The following HMGCLL1 variants were observed in gnomAD, a reference collection of about 807,000 sequenced individuals.
HMGCLL1 encodes the protein 3-hydroxy-3-methylglutaryl-CoA lyase like 1, also known as 3-hydroxymethyl-3-methylglutaryl-CoA lyase, cytoplasmic.
A neutral mutation model predicts 39.1 loss-of-function variants in HMGCLL1; 36 were observed. The ratio of observed to expected loss-of-function variants is 0.92; its 90% CI spans 0.71 to 1.22. The LOEUF (loss-of-function observed/expected upper bound fraction) is 1.22. HMGCLL1 is among the 50% of genes most tolerant of loss of function. The pLI is 0.00. For missense variants in HMGCLL1, 451 were observed against 416.5 expected (o/e 1.08, Z -0.72); for synonymous variants, 149 against 144.0 (o/e 1.03, Z -0.25).
At chr6:55,549,279 A>C (rs1770176286) in intron 1 of HMGCLL1, among the ~76,000 whole-genome samples, 1 of 151,514 alleles carries the variant, frequency 6.6e-6, no homozygotes, top group Non-Finnish European at 1.5e-5. Flanking sequence ...TCACCAACAA[A>C]ATTTGTTTGA....
the HMGCLL1 span, among the ~76,000 whole-genome samples, chr6:55,664,934 G>T: frequency 6.6e-6 from 1 of 151,660 alleles, no homozygotes. Context: ...GGGAGAGAGA[G>T]AAAGAGACAG....
chr6:55,650,112 T>TATATATATATACACACATATAC, the HMGCLL1 span, among the ~76,000 whole-genome samples: 1 of 76,840 alleles, frequency 1.3e-5, no homozygotes, highest in South Asian at 4.5e-4. Context: ...TATATATATA[T>TATATATATATACACACATATAC]ATATATATAT....
In HMGCLL1 at chr6:55,480,429, C is replaced by T. The variant is rs140585683; in HGVS notation, c.795+14990G>A. On this transcript the variant is annotated intron_variant, in intron 7 of 8. Transcript: ENST00000274901. ...AATTAAAACTATAATGAGATATCAT[C>T]TCACACCAGTTAAGACAGCTTTTAC... Among the ~76,000 whole-genome samples, 11 of 151,764 alleles carry T rather than the reference C, an allele frequency of 7.2e-5. No individual in the cohort carries two copies. The East Asian group carries it at 2.1e-3, about 29-fold the overall frequency.
chr6:55,594,908 A>G, the HMGCLL1 span, among the ~76,000 whole-genome samples: 57 of 152,346 alleles, frequency 3.7e-4, no homozygotes, highest in Middle Eastern at 6.8e-3. Flanking sequence ...GCTACCAAGT[A>G]TACAGAGTAG....
chr6:55,533,529 TA>T (rs1222363461), intron 3 of HMGCLL1, among the ~76,000 whole-genome samples: 1 of 152,126 alleles, frequency 6.6e-6, no homozygotes, highest in Non-Finnish European at 1.5e-5. Flanking sequence ...AGCAAATAGG[TA>T]TTCATAAATA....
the HMGCLL1 span, among the ~76,000 whole-genome samples, chr6:55,609,104 C>T: frequency 3.9e-5 from 6 of 152,172 alleles, no homozygotes; most frequent in Admixed American, 1.3e-4. Flanking sequence ...CGGGGCCTTG[C>T]GTCCCAATCA....
chr6:55,475,831 A>C (rs1296714100), intron 7 of HMGCLL1, among the ~76,000 whole-genome samples: 1 of 151,586 alleles, frequency 6.6e-6, no homozygotes, highest in Non-Finnish European at 1.5e-5. Context: ...GAACTAGCAC[A>C]ATTTATTGAA....
rs1771897595 is a variant in HMGCLL1, at chr6:55,578,938, G to C, written c.108+10C>G. 1.2e-6 allele frequency: 2 copies of C among 1,603,252 alleles called. No homozygotes were observed. Among genetic ancestry groups the C allele is most frequent in the Non-Finnish European group, 1.7e-6 (2 of 1,173,438 alleles). On this transcript the variant is annotated intron_variant, in intron 1 of 8. Transcript: ENST00000274901. Reference sequence around the variant, plus strand: ...TGAGGGTGGGGACACCCTGGGCCGCGAGGTGGTACCTGCGCGGGGTCGAGC... The same window carrying C: ...TGAGGGTGGGGACACCCTGGGCCGCCAGGTGGTACCTGCGCGGGGTCGAGC...
At chr6:55,604,053 A>G in the HMGCLL1 span, among the ~76,000 whole-genome samples, 1 of 152,150 alleles carries the variant, frequency 6.6e-6, no homozygotes, top group Non-Finnish European at 1.5e-5. Context: ...GAGAAAGGTT[A>G]TTCAAAAAAT....
At chr6:55,536,302 A>G (rs1005257404) in intron 3 of HMGCLL1, among the ~76,000 whole-genome samples, 2 of 152,166 alleles carry the variant, frequency 1.3e-5, no homozygotes, top group Non-Finnish European at 2.9e-5. Flanking sequence ...CTAATGAGGG[A>G]GCAAATATTT....
At chr6:55,563,782 A>G (rs949135877) in intron 1 of HMGCLL1, 6 of 827,948 alleles carry the variant, frequency 7.2e-6, no homozygotes, top group Non-Finnish European at 1.0e-5. Flanking sequence ...CTCCTTTCAA[A>G]CAGTTTGAGA....
the HMGCLL1 span, among the ~76,000 whole-genome samples, chr6:55,615,093 G>A: frequency 6.6e-6 from 1 of 151,974 alleles, no homozygotes; most frequent in Non-Finnish European, 1.5e-5. Context: ...ATTTTATTTG[G>A]ATTGGCATTT....
chr6:55,612,038 T>C, the HMGCLL1 span, among the ~76,000 whole-genome samples: 1 of 152,102 alleles, frequency 6.6e-6, no homozygotes, highest in Non-Finnish European at 1.5e-5. Context: ...GATGACTTTA[T>C]CTAGAATACC....
At chr6:55,604,678 A>C in the HMGCLL1 span, among the ~76,000 whole-genome samples, 1 of 152,188 alleles carries the variant, frequency 6.6e-6, no homozygotes, top group Non-Finnish European at 1.5e-5. Flanking sequence ...CATTAATAAC[A>C]AATGAAATAT....
the HMGCLL1 span, among the ~76,000 whole-genome samples, chr6:55,601,402 G>A: frequency 6.6e-6 from 1 of 152,120 alleles, no homozygotes; most frequent in Admixed American, 6.6e-5. Context: ...AGCTTTGACT[G>A]GTTCGCATAG....
chr6:55,473,656 A>C (rs1765147288), intron 7 of HMGCLL1, among the ~76,000 whole-genome samples: 1 of 151,512 alleles, frequency 6.6e-6, no homozygotes, highest in Non-Finnish European at 1.5e-5. Flanking sequence ...ATTAAAATAA[A>C]AGATTATATT....
Position 55,562,373 on chromosome 6 carries a change from A to G in HMGCLL1, c.108+16575T>C, listed in dbSNP as rs141276183. ...TTCCAGTTGTATTTTAGAAGTACCA[A>G]TATCAGGAACATCTACATGTATTAC... On this transcript the variant is annotated intron_variant, in intron 1 of 8. Transcript: ENST00000274901. Among the ~76,000 whole-genome samples the G allele has an allele frequency of 3.7e-4, 56 of 152,224 alleles. No homozygotes were observed. The East Asian group carries it at 0.01, about 28-fold the overall frequency.
At chr6:55,474,961 G>A (rs1433400913) in intron 7 of HMGCLL1, among the ~76,000 whole-genome samples, 1 of 151,522 alleles carries the variant, frequency 6.6e-6, no homozygotes, top group Admixed American at 6.6e-5. Flanking sequence ...TATTAGACTG[G>A]AGCCCTTTCG....
chr6:55,530,542 A>G (rs1222972622), intron 3 of HMGCLL1, among the ~76,000 whole-genome samples: 1 of 152,058 alleles, frequency 6.6e-6, no homozygotes, highest in Non-Finnish European at 1.5e-5. Flanking sequence ...ATAAAATCAA[A>G]TATTTTATGA....
Sources: allele counts gnomAD v4.1 joint callset (sites outside exome capture counted in the v4.1 genomes callset), GRCh38; gene constraint gnomAD v4.1.1; transcripts MANE v1.5; gene names NCBI Gene and HGNC (gene_info 2026-07-23, HGNC 2026-07-21).